ART1: variants seen among roughly 807,000 people sequenced by gnomAD.
The protein encoded by ART1 is ADP-ribosyltransferase 1, also known as GPI-linked NAD(P)(+)--arginine ADP-ribosyltransferase 1.
ART1 carries 29 observed loss-of-function variants against 27.0 expected under a neutral mutation model. The ratio of observed to expected loss-of-function variants is 1.08; its 90% CI spans 0.80 to 1.47. ART1 has a LOEUF of 1.47. Among genes scored for constraint, ART1 ranks in the 40% most tolerant of loss-of-function variants. ART1 has a pLI of 0.00. For synonymous variants in ART1, 201 were observed against 172.2 expected (o/e 1.17, Z -1.31); for missense variants, 480 against 423.0 (o/e 1.13, Z -1.18).
rs112829789 is a variant in ART1, at chr11:3,661,427, G to A, written c.886+14G>A. The stretch of plus-strand genomic sequence containing the variant: ...TGGATAATTCAGGTAAGGGCTGCAG[G>A]CACCTGTGGGACTCAGTTCAGGGAT... On this transcript the variant is annotated intron_variant, in intron 4 of 4. Coordinates refer to ENST00000250693, the MANE Select transcript of ART1 (RefSeq NM_004314.3). The A allele has an allele frequency of 1.7e-3, 2,773 of 1,608,700 alleles. 21 individuals are homozygous for A. In the African/African-American group the frequency reaches 0.022, roughly 13 times the overall value.
chr11:3,653,448 G>A (rs1022567414), intron 1 of ART1, among the ~76,000 whole-genome samples: 1 of 148,324 alleles, frequency 6.7e-6, no homozygotes, highest in Non-Finnish European at 1.5e-5. Flanking sequence ...CCCCCACTCT[G>A]ACTGCCAGAG....
chr11:3,649,663 C>G (rs2077501954), intron 1 of ART1, among the ~76,000 whole-genome samples: 1 of 152,186 alleles, frequency 6.6e-6, no homozygotes, highest in African/African-American at 2.4e-5. Flanking sequence ...CACCTCCCCT[C>G]CTCACACCCG....
intron 1 of ART1, among the ~76,000 whole-genome samples, chr11:3,656,081 C>G (rs1431026295): frequency 6.6e-6 from 1 of 151,864 alleles, no homozygotes; most frequent in Admixed American, 6.6e-5. Flanking sequence ...TACAAGCGCA[C>G]AACACCACGC....
chr11:3,650,053 A>G (rs1044642793), intron 1 of ART1, among the ~76,000 whole-genome samples: 7 of 152,214 alleles, frequency 4.6e-5, no homozygotes, highest in African/African-American at 1.7e-4. Context: ...ATAATAGAAT[A>G]GAGGCAGCCA....
At chr11:3,657,926 T>C (rs534200439) in intron 1 of ART1, among the ~76,000 whole-genome samples, 67 of 152,328 alleles carry the variant, frequency 4.4e-4, no homozygotes, top group African/African-American at 7.2e-4. Context: ...GCTGCCATTA[T>C]GTGAGCAGGG....
Position 3,648,398 on chromosome 11 carries a change from C to A in ART1, c.-53+3219C>A, listed in dbSNP as rs559699592. On this transcript the variant is annotated intron_variant, in intron 1 of 4. Coordinates refer to ENST00000250693, the MANE Select transcript of ART1 (RefSeq NM_004314.3). The stretch of plus-strand genomic sequence containing the variant: ...TTGCTCTGTGAGAAAGACCCACCTA[C>A]AACCTCAGGTCCTCAGACCGACCAG... Among the ~76,000 whole-genome samples, 258 of 152,310 alleles carry A rather than the reference C, an allele frequency of 1.7e-3. 6 individuals are homozygous for A. Among genetic ancestry groups the A allele is most frequent in the Middle Eastern group, 0.014 (4 of 294 alleles).
At chr11:3,663,086 CTCA>C (rs112941444) in intron 4 of ART1, among the ~76,000 whole-genome samples, 172 of 67,812 alleles carry the variant, frequency 2.5e-3, no homozygotes, top group Middle Eastern at 0.021. Flanking sequence ...ATCATCTCAT[CTCA>C]TCATCTCATC....
chr11:3,645,787 C>T (rs2077466152), intron 1 of ART1, among the ~76,000 whole-genome samples: 1 of 152,148 alleles, frequency 6.6e-6, no homozygotes, highest in African/African-American at 2.4e-5. Flanking sequence ...CAGGGTGATA[C>T]CAGAGCCCAG....
intron 1 of ART1, among the ~76,000 whole-genome samples, chr11:3,648,346 G>A (rs540590799): frequency 8.5e-5 from 13 of 152,166 alleles, no homozygotes; most frequent in Non-Finnish European, 7.3e-5. Flanking sequence ...CCTCCCTTAG[G>A]AGATCAATCC....
chr11:3,660,249 C>G lies in ART1; in HGVS notation c.730C>G (p.Pro244Ala), dbSNP rs267602868. Residue 244 changes from proline to alanine, a missense_variant, in exon 3 of 5, where the codon CCC becomes GCC. Pro to Ala is a conservative substitution (Grantham distance 27). Coordinates refer to ENST00000250693, the MANE Select transcript of ART1 (RefSeq NM_004314.3). ...FFPGEEEVLI[P>A]PFETFQVINA... ...CCCTGGAGAGGAAGAGGTGCTGATC[C>G]CCCCCTTTGAGACCTTCCAAGTGAT... is the stretch of plus-strand genomic sequence containing the variant. 4 of 1,613,442 alleles carry G rather than the reference C, an allele frequency of 2.5e-6. No individual in the cohort carries two copies. In the African/African-American group the frequency reaches 5.3e-5, roughly 22 times the overall value.
intron 1 of ART1, among the ~76,000 whole-genome samples, chr11:3,650,920 A>G (rs191932371): frequency 6.9e-6 from 1 of 145,568 alleles, no homozygotes; most frequent in Non-Finnish European, 1.5e-5. Context: ...ACCCCGCTCA[A>G]TGCCAGTATC....
chr11:3,656,948 C>A (rs114208528), intron 1 of ART1, among the ~76,000 whole-genome samples: 1,637 of 152,212 alleles, frequency 0.011, 24 homozygotes, highest in African/African-American at 0.035. Context: ...CTACTGCTAA[C>A]CCCATTGTCC....
At chr11:3,654,893 G>GT (rs1696982636) in intron 1 of ART1, among the ~76,000 whole-genome samples, 1 of 151,820 alleles carries the variant, frequency 6.6e-6, no homozygotes, top group Non-Finnish European at 1.5e-5. Context: ...AGCCTCTGAT[G>GT]TATCTTGTTT....
chr11:3,646,235 A>G (rs1410453043), intron 1 of ART1, among the ~76,000 whole-genome samples: 3 of 152,108 alleles, frequency 2.0e-5, no homozygotes, highest in African/African-American at 7.2e-5. Flanking sequence ...CTGGGCAGGC[A>G]GGATATTGGG....
In ART1 at chr11:3,652,341, G is replaced by C. The variant is rs547949937; in HGVS notation, c.-52-6821G>C. On this transcript the variant is annotated intron_variant, in intron 1 of 4. Coordinates refer to ENST00000250693, the MANE Select transcript of ART1 (RefSeq NM_004314.3). ...CCCACCTCTATACAGTCTGAAAACA[G>C]ACCAGCCTTTACTAGTCAAATCAGC... is the stretch of plus-strand genomic sequence containing the variant. 1.6e-4 allele frequency among the ~76,000 whole-genome samples: 24 copies of C among 149,352 alleles called. 1 individual carries two copies. In the South Asian group the frequency reaches 4.1e-3, roughly 25 times the overall value.
chr11:3,659,389 G>T, intron 2 of ART1, 113 bp downstream of exon 2: 1 of 1,506,786 alleles, frequency 6.6e-7, no homozygotes, highest in South Asian at 1.1e-5. Context: ...TTCCCCTGGG[G>T]ATCACTCAGC....
At chr11:3,655,054 G>T (rs2077559770) in intron 1 of ART1, among the ~76,000 whole-genome samples, 2 of 152,204 alleles carry the variant, frequency 1.3e-5, no homozygotes, top group Non-Finnish European at 2.9e-5. Context: ...ATGGTCTTTG[G>T]GTTGACGGCA....
rs897174586 is a variant in ART1, at chr11:3,648,204, G to T, written c.-53+3025G>T. On this transcript the variant is annotated intron_variant, in intron 1 of 4. Coordinates refer to ENST00000250693, the MANE Select transcript of ART1 (RefSeq NM_004314.3). ...AACGGCCCCACCCTTATCTCCCTTCGCTGACTCTCTTTTCGGACTCAGTCC... is the reference window on the plus strand; with the variant it reads ...AACGGCCCCACCCTTATCTCCCTTCTCTGACTCTCTTTTCGGACTCAGTCC... 2.6e-5 allele frequency among the ~76,000 whole-genome samples: 4 copies of T among 151,574 alleles called. No homozygotes were observed. The East Asian group carries it at 5.8e-4, about 22-fold the overall frequency.
At chr11:3,663,119 C>CTCATCTCATCTCA (rs2133967985) in intron 4 of ART1, among the ~76,000 whole-genome samples, 1 of 147,022 alleles carries the variant, frequency 6.8e-6, no homozygotes, top group South Asian at 2.2e-4. Context: ...CTCATCTCAT[C>CTCATCTCATCTCA]TCATCTCATC....
Sources: gnomAD v4.1 joint callset for allele counts (sites outside exome capture counted in the v4.1 genomes callset) on GRCh38, gnomAD v4.1.1 for gene constraint, MANE v1.5 for transcripts, NCBI Gene and HGNC (gene_info 2026-07-23, HGNC 2026-07-21) for gene names.